SAMD12: variants seen among roughly 807,000 people sequenced by gnomAD.
The protein encoded by SAMD12 is sterile alpha motif domain-containing protein 12.
Under a neutral mutation model 15.0 loss-of-function variants are expected in SAMD12, and 9 were observed. The observed-to-expected ratio is 0.60, with a 90% confidence interval of 0.36 to 1.05. SAMD12 has a LOEUF of 1.05. Ranked by LOEUF, SAMD12 falls within the 50% of genes least tolerant of loss-of-function variation. The probability of loss-of-function intolerance (pLI) is 0.01; values close to 1 mark genes in which losing one functional copy is unlikely to be tolerated. For missense variants in SAMD12, 230 were observed against 234.2 expected, an observed-to-expected ratio of 0.98 and a Z score of 0.12; for synonymous variants, 86 against 90.1, an observed-to-expected ratio of 0.96 and a Z score of 0.25.
In SAMD12 at chr8:118,339,552, C is replaced by T. The variant is rs10955872; in HGVS notation, c.433+40008G>A. 5.9e-5 allele frequency among the ~76,000 whole-genome samples: 9 copies of T among 152,262 alleles called. No homozygotes were observed. The South Asian group carries it at 1.2e-3, about 21-fold the overall frequency. On this transcript the variant is annotated intron_variant, in intron 4 of 4. Transcript: ENST00000409003. ...TGTCTATCCTAAATCTTTTGGCTGC[C>T]GCCGCAGCTCTGAGGAGTGGTGCTG... is the stretch of plus-strand genomic sequence containing the variant.
intron 3 of SAMD12, among the ~76,000 whole-genome samples, chr8:118,387,985 T>A (rs1416533524): frequency 6.6e-6 from 1 of 152,136 alleles, no homozygotes; most frequent in Non-Finnish European, 1.5e-5. Context: ...TACTGGAAAC[T>A]AGTAGACAAG....
intron 3 of SAMD12, among the ~76,000 whole-genome samples, chr8:118,423,607 CTTATTT>C (rs554515620): frequency 1.3e-3 from 194 of 152,230 alleles, no homozygotes; most frequent in Non-Finnish European, 2.3e-3. Context: ...CACCCCCATG[CTTATTT>C]TTATATCACT....
rs1586540200 is a variant in SAMD12 at position 118,329,904 on chromosome 8, G to A, written c.433+49656C>T. ...TTGTGAACTTCCTCCAACATCTATG[G>A]GAGAGGTTCATATTAAGAACCTCTC... On this transcript the variant is annotated intron_variant, in intron 4 of 4. Coordinates refer to the SAMD12 transcript ENST00000409003. 2.0e-5 allele frequency among the ~76,000 whole-genome samples: 3 copies of A among 151,912 alleles called. No homozygotes were observed. The East Asian group carries it at 5.8e-4, about 29-fold the overall frequency.
Position 118,447,524 on chromosome 8 carries a change from C to G in SAMD12, c.193-7563G>C, listed in dbSNP as rs144298265. On this transcript the variant is annotated intron_variant, in intron 2 of 3. Coordinates refer to ENST00000314727, the MANE Select transcript of SAMD12 (RefSeq NM_207506.3). ...TTCACCATGTTGGCCAGGTTGGTCT[C>G]GAACTCCTGACCTCGTGATTTGCCT... Among the ~76,000 whole-genome samples, 1,319 of 151,726 alleles carry G rather than the reference C, an allele frequency of 8.7e-3. 14 individuals carry two copies. The highest frequency in any genetic ancestry group is 0.027 in the Middle Eastern group (8 of 294).
At chr8:118,492,479 C>T (rs1388066077) in intron 2 of SAMD12, among the ~76,000 whole-genome samples, 1 of 152,020 alleles carries the variant, frequency 6.6e-6, no homozygotes, top group Non-Finnish European at 1.5e-5. Flanking sequence ...AAAAGTTACT[C>T]GATATGGTAG....
chr8:118,500,066 CCTTTT>C (rs1824738000), intron 2 of SAMD12, among the ~76,000 whole-genome samples: 1 of 61,436 alleles, frequency 1.6e-5, no homozygotes, highest in Non-Finnish European at 3.2e-5. Flanking sequence ...CTGAGTTTTG[CCTTTT>C]TTTTTTTTTT....
intron 4 of SAMD12, among the ~76,000 whole-genome samples, chr8:118,249,499 A>C (rs958830764): frequency 4.6e-5 from 7 of 152,152 alleles, no homozygotes; most frequent in African/African-American, 1.7e-4. Flanking sequence ...GGTTGGTTGA[A>C]TCCACAGATG....
intron 4 of SAMD12, among the ~76,000 whole-genome samples, chr8:118,252,220 A>G (rs183167482): frequency 1.3e-5 from 2 of 152,294 alleles, no homozygotes; most frequent in Admixed American, 1.3e-4. Context: ...TATGCCTGGT[A>G]AGAAATGAAG....
At chr8:118,518,102 G>A (rs1286512254) in intron 2 of SAMD12, among the ~76,000 whole-genome samples, 1 of 152,170 alleles carries the variant, frequency 6.6e-6, no homozygotes, top group African/African-American at 2.4e-5. Flanking sequence ...CCCAGCTTGT[G>A]CCTTGTGTCT....
chr8:118,373,259 T>C (rs1490012097), downstream of SAMD12, among the ~76,000 whole-genome samples: 1 of 152,174 alleles, frequency 6.6e-6, no homozygotes, highest in Non-Finnish European at 1.5e-5. Flanking sequence ...GCTGTGTAAC[T>C]AGGAACAAAC....
At position 118,573,502 on chromosome 8, in the gene SAMD12, T is replaced by A. The variant is rs1462512823; in HGVS notation, c.192+7213A>T. On this transcript the variant is annotated intron_variant, in intron 2 of 3. Transcript: ENST00000314727. ...TTTTTTGGTCTTTGAGGAATCACCA[T>A]ACTGTCTTTCACAATGAATCTAAGT... is the stretch of plus-strand genomic sequence containing the variant. Among the ~76,000 whole-genome samples the A allele has an allele frequency of 1.3e-5, 2 of 152,232 alleles. 1 individual carries two copies. The highest frequency in any genetic ancestry group is 1.3e-4 in the Admixed American group (2 of 15,290).
chr8:118,503,609 A>C (rs1420108198), intron 2 of SAMD12, among the ~76,000 whole-genome samples: 2 of 152,156 alleles, frequency 1.3e-5, no homozygotes, highest in Non-Finnish European at 2.9e-5. Context: ...ATCCTTTCTA[A>C]GGAAATTGAG....
Position 118,408,044 on chromosome 8 carries a change from T to A in SAMD12, c.323-28344A>T, listed in dbSNP as rs140010290. Among the ~76,000 whole-genome samples the A allele has an allele frequency of 3.7e-4, 56 of 152,246 alleles. No individual in the cohort carries two copies. The East Asian group carries it at 9.3e-3, about 25-fold the overall frequency. On this transcript the variant is annotated intron_variant, in intron 3 of 3. Coordinates refer to ENST00000314727, the MANE Select transcript of SAMD12 (RefSeq NM_207506.3). ...GACCAGCTGTTCTCACTCCAGCTAA[T>A]CCTGTCCTTTCACTGTATACACACT...
At chr8:118,534,293 A>G (rs1366977948) in intron 2 of SAMD12, among the ~76,000 whole-genome samples, 2 of 152,088 alleles carry the variant, frequency 1.3e-5, no homozygotes, top group Non-Finnish European at 2.9e-5. Context: ...TGGCTTGTAG[A>G]GTTTCTGCAG....
chr8:118,304,759 CATAAATAAATAA>C (rs55985938), intron 4 of SAMD12, among the ~76,000 whole-genome samples: 9,022 of 141,578 alleles, frequency 0.064, 795 homozygotes, highest in African/African-American at 0.2. Flanking sequence ...GACTCCATCT[CATAAATAAATAA>C]ATAAATAAAT....
chr8:118,418,275 T>C (rs1054003122), intron 3 of SAMD12, among the ~76,000 whole-genome samples: 2 of 152,256 alleles, frequency 1.3e-5, no homozygotes, highest in African/African-American at 4.8e-5. Flanking sequence ...TTTCTACTGA[T>C]GCCTTTTACA....
chr8:118,187,190 A>G (rs1278504058), downstream of SAMD12, among the ~76,000 whole-genome samples: 3 of 152,238 alleles, frequency 2.0e-5, no homozygotes, highest in Non-Finnish European at 4.4e-5. Context: ...CTCATGATCT[A>G]GTCCCACTTT....
intron 2 of SAMD12, among the ~76,000 whole-genome samples, chr8:118,565,709 T>TC (rs1047526699): frequency 6.6e-5 from 10 of 152,088 alleles, no homozygotes; most frequent in African/African-American, 2.4e-4. Flanking sequence ...AACTTGTGAT[T>TC]CCCCCCACCA....
intron 2 of SAMD12, among the ~76,000 whole-genome samples, chr8:118,453,465 CCA>C (rs1479020861): frequency 6.6e-6 from 1 of 151,154 alleles, no homozygotes; most frequent in Non-Finnish European, 1.5e-5. Context: ...TAAATTCATG[CCA>C]CAGTTTAATT....
Sources: allele counts gnomAD v4.1 joint callset (sites outside exome capture counted in the v4.1 genomes callset), GRCh38; gene constraint gnomAD v4.1.1; transcripts MANE v1.5; gene names NCBI Gene and HGNC (gene_info 2026-07-23, HGNC 2026-07-21).